PLA2G4A: variants seen among roughly 807,000 people sequenced by gnomAD.
The protein encoded by PLA2G4A is cytosolic phospholipase A2.
A neutral mutation model predicts 81.9 loss-of-function variants in PLA2G4A; 40 were observed. The ratio of observed to expected loss-of-function variants is 0.49; its 90% CI spans 0.38 to 0.64. PLA2G4A has a LOEUF of 0.64. Among genes scored for constraint, PLA2G4A ranks in the 30% least tolerant of loss-of-function variants. The pLI is 0.00. For synonymous variants in PLA2G4A, 302 were observed against 296.9 expected (o/e 1.02, Z -0.18); for missense variants, 715 against 905.1 (o/e 0.79, Z 2.69).
chr1:186,863,776 T>G (rs79876927), intron 2 of PLA2G4A, among the ~76,000 whole-genome samples: 53,631 of 132,822 alleles, frequency 0.4, 10,076 homozygotes, highest in East Asian at 0.65. Flanking sequence ...TTTTTTTTTT[T>G]TGGGGACAGA....
chr1:186,939,661 G>T (rs995975243), intron 9 of PLA2G4A, among the ~76,000 whole-genome samples: 6 of 152,174 alleles, frequency 3.9e-5, no homozygotes, highest in African/African-American at 1.4e-4. Flanking sequence ...TTGATGTTTC[G>T]TTGAAGATAA....
rs577157536 is a variant in PLA2G4A at position 186,888,476 on chromosome 1, G to T, written c.116-4535G>T. On this transcript the variant is annotated intron_variant, in intron 3 of 17. Coordinates refer to ENST00000367466, the MANE Select transcript of PLA2G4A (RefSeq NM_024420.3). Reference sequence around the variant, plus strand: ...ACCCTCCTCTTTCCCAAAGATTCAAGTAAAGATTAAGTCTGAAAAGGCAAT... The same window carrying T: ...ACCCTCCTCTTTCCCAAAGATTCAATTAAAGATTAAGTCTGAAAAGGCAAT... Among the ~76,000 whole-genome samples the T allele has an allele frequency of 1.2e-4, 18 of 152,242 alleles. No homozygotes were observed. The South Asian group carries it at 3.5e-3, about 30-fold the overall frequency.
chr1:186,896,339 G>C (rs1399427872), intron 5 of PLA2G4A, among the ~76,000 whole-genome samples: 1 of 152,218 alleles, frequency 6.6e-6, no homozygotes, highest in Non-Finnish European at 1.5e-5. Context: ...ATTCTGGGCA[G>C]AACAGATTGC....
At position 186,988,760 on chromosome 1, in the gene PLA2G4A, T is replaced by C. The variant is rs1649417641; in HGVS notation, c.*252T>C. 1 of 285,422 alleles carries C rather than the reference T, an allele frequency of 3.5e-6. No homozygotes were observed. Among genetic ancestry groups the C allele is most frequent in the South Asian group, 4.6e-5 (1 of 21,868 alleles). The allele number at this position is 285,422 out of a possible 1,614,324, so 17.7% of individuals were successfully genotyped here. ...ACTTCCTGATACAAATGTAGGGATA[T>C]ATACTGTATTTTTAAACATTTCTCA... On this transcript the variant is annotated 3_prime_UTR_variant, in exon 18 of 18. Transcript: ENST00000367466.
intron 12 of PLA2G4A, among the ~76,000 whole-genome samples, chr1:186,949,517 T>C (rs1262427893): frequency 2.0e-5 from 3 of 152,124 alleles, no homozygotes. Context: ...AGATCATTTC[T>C]TAACATCTCC....
chr1:186,985,351 G>A (rs1158299705), intron 17 of PLA2G4A, among the ~76,000 whole-genome samples: 2 of 151,742 alleles, frequency 1.3e-5, no homozygotes, highest in African/African-American at 2.4e-5. Flanking sequence ...TGTTCTAAGC[G>A]CTCGGATAAA....
intron 2 of PLA2G4A, among the ~76,000 whole-genome samples, chr1:186,856,804 G>C (rs886774979): frequency 6.6e-6 from 1 of 151,602 alleles, no homozygotes; most frequent in African/African-American, 2.4e-5. Context: ...TGTCAGCATA[G>C]ACCTGAAGGT....
At position 186,967,040 on chromosome 1, in the gene PLA2G4A, G is replaced by A. The variant is rs551233747; in HGVS notation, c.1764+1447G>A. 2.0e-5 allele frequency among the ~76,000 whole-genome samples: 3 copies of A among 152,182 alleles called. No individual in the cohort carries two copies. The South Asian group carries it at 6.2e-4, about 32-fold the overall frequency. On this transcript the variant is annotated intron_variant, in intron 15 of 17. Transcript: ENST00000367466. ...TTTTGATTTTATAGAATAAGAAGTG[G>A]CAATTCATAATAATTAAATGGAACA... is the stretch of plus-strand genomic sequence containing the variant.
At chr1:186,902,648 C>A (rs1231848791) in intron 5 of PLA2G4A, among the ~76,000 whole-genome samples, 1 of 152,068 alleles carries the variant, frequency 6.6e-6, no homozygotes, top group Non-Finnish European at 1.5e-5. Flanking sequence ...AACTGATGAC[C>A]TTACCTTGTG....
Position 186,932,895 on chromosome 1 carries a change from A to G in PLA2G4A, c.691A>G (p.Thr231Ala). Residue 231 changes from threonine to alanine, a missense_variant, in exon 8 of 18, where the codon ACC (threonine) becomes GCC (alanine). Transcript: ENST00000367466. ...CTACGTTGCTGGTCTTTCTGGCTCC[A>G]CCTGGTTAGTATACATTTTTAATTT... ...ATYVAGLSGS[T>A]WYMSTLYSHP... 1 of 1,608,446 alleles carries G rather than the reference A, an allele frequency of 6.2e-7. No individual in the cohort carries two copies. Among genetic ancestry groups the G allele is most frequent in the Admixed American group, 1.7e-5 (1 of 60,004 alleles).
chr1:186,852,968 T>C (rs1223945034), intron 1 of PLA2G4A, among the ~76,000 whole-genome samples: 1 of 152,020 alleles, frequency 6.6e-6, no homozygotes, highest in African/African-American at 2.4e-5. Context: ...TTGAGCCTGA[T>C]TAATATGCAT....
intron 8 of PLA2G4A, among the ~76,000 whole-genome samples, chr1:186,935,408 A>ATTTT (rs10681360): frequency 6.8e-6 from 1 of 147,644 alleles, no homozygotes; most frequent in African/African-American, 2.5e-5. Flanking sequence ...AAGGGTTTTT[A>ATTTT]TTTTTTTTTT....
Position 186,854,371 on chromosome 1 carries a change from C to G in PLA2G4A, c.17C>G (p.Pro6Arg). The G allele has an allele frequency of 6.4e-7, 1 of 1,571,326 alleles. No homozygotes were observed. Among genetic ancestry groups the G allele is most frequent in the Non-Finnish European group, 8.8e-7 (1 of 1,141,804 alleles). Reference protein sequence around the residue: MSFIDPYQHIIVEHQY... With the variant: MSFIDRYQHIIVEHQY... ...GAAACCAAAATGTCATTTATAGATC[C>G]TTACCAGCACATTATAGTAAGTCAT... is the stretch of plus-strand genomic sequence containing the variant. Residue 6 changes from proline (P) to arginine (R), a missense_variant, in exon 2 of 18, where the codon CCT (proline) becomes CGT (arginine). Pro to Arg is a moderately radical substitution (Grantham distance 103). Coordinates refer to ENST00000367466, the MANE Select transcript of PLA2G4A (RefSeq NM_024420.3).
intron 2 of PLA2G4A, among the ~76,000 whole-genome samples, chr1:186,868,922 C>CTT (rs779852874): frequency 1.4e-5 from 2 of 140,636 alleles, no homozygotes; most frequent in Non-Finnish European, 3.1e-5. Flanking sequence ...CTCTCTCATC[C>CTT]TTTTTTTTTT....
chr1:186,830,956 T>A (rs199983070), intron 1 of PLA2G4A, among the ~76,000 whole-genome samples: 18,547 of 65,036 alleles, frequency 0.29, 1,424 homozygotes, highest in East Asian at 0.39. Context: ...CTTGCTTGCT[T>A]GCTTTCTTTC....
chr1:186,949,533 C>A (rs1389012861), intron 12 of PLA2G4A, among the ~76,000 whole-genome samples: 1 of 152,014 alleles, frequency 6.6e-6, no homozygotes, highest in Non-Finnish European at 1.5e-5. Context: ...TCTCCCACAC[C>A]TCTGTGTAAC....
chr1:186,949,240 G>A (rs575031803), intron 12 of PLA2G4A, among the ~76,000 whole-genome samples: 1 of 149,224 alleles, frequency 6.7e-6, no homozygotes, highest in Admixed American at 6.7e-5. Context: ...ACTATCATAT[G>A]TGACAGAAAG....
At chr1:186,873,931 C>G (rs1472969315) in intron 3 of PLA2G4A, among the ~76,000 whole-genome samples, 1 of 152,074 alleles carries the variant, frequency 6.6e-6, no homozygotes, top group South Asian at 2.1e-4. Context: ...AGTGATGACT[C>G]CTTCTGCATT....
intron 5 of PLA2G4A, among the ~76,000 whole-genome samples, chr1:186,904,191 C>T (rs528983445): frequency 3.9e-5 from 6 of 152,324 alleles, no homozygotes; most frequent in Non-Finnish European, 7.4e-5. Flanking sequence ...GATGACATTG[C>T]TGCTTTTCAC....
Sources: allele counts gnomAD v4.1 joint callset (sites outside exome capture counted in the v4.1 genomes callset), GRCh38; gene constraint gnomAD v4.1.1; transcripts MANE v1.5; gene names NCBI Gene and HGNC (gene_info 2026-07-23, HGNC 2026-07-21).